The following ARID5B variants were observed in gnomAD, a reference collection of about 807,000 sequenced individuals.
ARID5B encodes the protein AT-rich interactive domain-containing protein 5B.
Under a neutral mutation model 97.2 loss-of-function variants are expected in ARID5B, and 13 were observed. That is an observed-to-expected ratio of 0.13 (90% CI 0.09 to 0.21). The LOEUF is 0.21. Among genes scored for constraint, ARID5B ranks in the 10% least tolerant of loss-of-function variants. ARID5B has a pLI of 1.00. For synonymous variants in ARID5B, 556 were observed against 570.3 expected (o/e 0.97, Z 0.36); for missense variants, 1,210 against 1,465.3 (o/e 0.83, Z 2.84).
intron 3 of ARID5B, among the ~76,000 whole-genome samples, chr10:61,970,872 C>T (rs1354071987): frequency 6.6e-6 from 1 of 152,074 alleles, no homozygotes; most frequent in Non-Finnish European, 1.5e-5. Flanking sequence ...GTGACTTTCC[C>T]CCTAAACAAT....
chr10:61,911,802 C>T (rs148994521), intron 2 of ARID5B, among the ~76,000 whole-genome samples: 1 of 152,292 alleles, frequency 6.6e-6, no homozygotes, highest in Non-Finnish European at 1.5e-5. Flanking sequence ...CAATGCCCTT[C>T]GCCCTTGGCT....
At chr10:61,970,608 G>A (rs1237841544) in intron 3 of ARID5B, among the ~76,000 whole-genome samples, 1 of 152,196 alleles carries the variant, frequency 6.6e-6, no homozygotes, top group Admixed American at 6.5e-5. Context: ...GAAACTGCTG[G>A]CAAGAGCGCC....
chr10:62,035,216 C>T (rs548472392), intron 4 of ARID5B, among the ~76,000 whole-genome samples: 2 of 152,288 alleles, frequency 1.3e-5, no homozygotes, highest in South Asian at 4.1e-4. Flanking sequence ...CCCTCTTTAG[C>T]GGCATTTATG....
intron 3 of ARID5B, among the ~76,000 whole-genome samples, chr10:61,976,191 A>C (rs76983655): frequency 0.015 from 2,337 of 152,352 alleles, 59 homozygotes; most frequent in African/African-American, 0.053. Flanking sequence ...CTGGCTACAC[A>C]TGGCTGTTGA....
chr10:61,997,834 A>T (rs908348684), intron 3 of ARID5B, among the ~76,000 whole-genome samples: 2 of 152,198 alleles, frequency 1.3e-5, no homozygotes, highest in African/African-American at 4.8e-5. Flanking sequence ...ACCGCATTTG[A>T]ATATTTTCAC....
intron 2 of ARID5B, among the ~76,000 whole-genome samples, chr10:61,931,855 A>C (rs562070077): frequency 2.0e-4 from 31 of 152,202 alleles, no homozygotes; most frequent in Non-Finnish European, 3.5e-4. Context: ...GATAGTGTCA[A>C]GTACTGGCAA....
At chr10:61,979,778 C>A (rs1201229148) in intron 3 of ARID5B, among the ~76,000 whole-genome samples, 1 of 152,174 alleles carries the variant, frequency 6.6e-6, no homozygotes, top group African/African-American at 2.4e-5. Flanking sequence ...GAAGAAAACA[C>A]GATGACCTCT....
intron 2 of ARID5B, among the ~76,000 whole-genome samples, chr10:61,924,829 G>T (rs965111649): frequency 5.3e-5 from 8 of 152,100 alleles, no homozygotes; most frequent in African/African-American, 1.9e-4. Context: ...GGGGCCAAGG[G>T]TTTTCTTCTT....
chr10:61,989,915 A>G (rs564243540), intron 3 of ARID5B, among the ~76,000 whole-genome samples: 1 of 152,354 alleles, frequency 6.6e-6, no homozygotes, highest in South Asian at 2.1e-4. Flanking sequence ...TTGACTCTTT[A>G]GTGCTCATAA....
At chr10:62,030,886 A>G (rs1425348747) in intron 4 of ARID5B, among the ~76,000 whole-genome samples, 1 of 152,230 alleles carries the variant, frequency 6.6e-6, no homozygotes, top group East Asian at 1.9e-4. Context: ...ATTTTCTGAT[A>G]TCAGTTTCAA....
rs181998164 is a variant in ARID5B, at chr10:62,050,647, T to A, written c.734-241T>A. On this transcript the variant is annotated intron_variant, in intron 4 of 9. Transcript: ENST00000279873. ...TTAGAGCTAAGAGCTTCGTGTTACT[T>A]CTATTAATTAGACATGTTAAAGCTA... Among the ~76,000 whole-genome samples, 91 of 152,318 alleles carry A rather than the reference T, an allele frequency of 6.0e-4. 2 individuals are homozygous for A. The highest frequency in any genetic ancestry group is 3.5e-3 in the Admixed American group (53 of 15,300).
At chr10:61,963,571 T>C (rs1195025367) in intron 3 of ARID5B, among the ~76,000 whole-genome samples, 2 of 151,830 alleles carry the variant, frequency 1.3e-5, no homozygotes, top group African/African-American at 2.4e-5. Context: ...CCTATATGTC[T>C]CTCCCTGACT....
In ARID5B at chr10:62,091,817, G is replaced by A. The variant is rs369904878; in HGVS notation, c.2354G>A (p.Arg785His). 4.2e-5 allele frequency: 68 copies of A among 1,613,878 alleles called. No homozygotes were observed. The highest frequency in any genetic ancestry group is 6.7e-5 in the African/African-American group (5 of 74,884). Residue 785 changes from arginine to histidine, a missense_variant, in exon 10 of 10, where the codon CGC becomes CAC. Physicochemically the swap from Arg to His is conservative, Grantham distance 29. Coordinates refer to ENST00000279873, the MANE Select transcript of ARID5B (RefSeq NM_032199.3). ...AAACTGAGTCGATCAGATCCCCACCGCTGCAGCTTCTCCAAGCATCACCTT... is the reference window on the plus strand; with the variant it reads ...AAACTGAGTCGATCAGATCCCCACCACTGCAGCTTCTCCAAGCATCACCTT... ...HEKLSRSDPH[R>H]CSFSKHHLNP... is the part of the protein sequence containing the mutation.
At chr10:61,943,264 A>G (rs1250040497) in intron 3 of ARID5B, among the ~76,000 whole-genome samples, 1 of 152,190 alleles carries the variant, frequency 6.6e-6, no homozygotes, top group African/African-American at 2.4e-5. Flanking sequence ...AGCCTCTTCT[A>G]TAACATCAAA....
intron 4 of ARID5B, among the ~76,000 whole-genome samples, chr10:62,026,032 T>C (rs1839416472): frequency 6.6e-6 from 1 of 152,270 alleles, no homozygotes; most frequent in South Asian, 2.1e-4. Flanking sequence ...AGCTGTTAGC[T>C]GGCTTTCTAA....
chr10:62,015,926 CAG>C (rs1398974444), intron 4 of ARID5B, among the ~76,000 whole-genome samples: 1 of 152,176 alleles, frequency 6.6e-6, no homozygotes, highest in African/African-American at 2.4e-5. Context: ...CCTGGCCTAA[CAG>C]TGTGAATTTA....
intron 3 of ARID5B, among the ~76,000 whole-genome samples, chr10:61,964,008 T>C (rs1315019759): frequency 1.3e-5 from 2 of 152,130 alleles, no homozygotes; most frequent in African/African-American, 4.8e-5. Flanking sequence ...CAAATCCCTT[T>C]TAGATTTGCA....
intron 3 of ARID5B, among the ~76,000 whole-genome samples, chr10:61,993,882 A>G (rs1381376727): frequency 6.6e-6 from 1 of 152,232 alleles, no homozygotes; most frequent in African/African-American, 2.4e-5. Flanking sequence ...AGCATAAATC[A>G]TTGTGAGAAC....
intron 2 of ARID5B, among the ~76,000 whole-genome samples, chr10:61,903,032 A>G (rs940589385): frequency 6.6e-6 from 1 of 152,160 alleles, no homozygotes; most frequent in African/African-American, 2.4e-5. Context: ...GCGGTGGTGT[A>G]ACAGGCACAA....
Sources: allele counts gnomAD v4.1 joint callset (sites outside exome capture counted in the v4.1 genomes callset), GRCh38; gene constraint gnomAD v4.1.1; transcripts MANE v1.5; gene names NCBI Gene and HGNC (gene_info 2026-07-23, HGNC 2026-07-21).